The following HOXC4 variants were observed in gnomAD, a reference collection of about 807,000 sequenced individuals.
HOXC4 encodes homeobox C4, also known as homeobox protein Hox-C4.
A neutral mutation model predicts 25.5 loss-of-function variants in HOXC4; 15 were observed. That is an observed-to-expected ratio of 0.59 (90% CI 0.39 to 0.91). HOXC4 has a LOEUF of 0.91. Ranked by LOEUF, HOXC4 falls within the 40% of genes least tolerant of loss-of-function variation. The pLI, the probability that HOXC4 is intolerant of heterozygous loss-of-function variation, is 0.00. For synonymous variants in HOXC4, 165 were observed against 148.0 expected (o/e 1.11, Z -0.83); for missense variants, 342 against 352.4 (o/e 0.97, Z 0.24).
upstream of HOXC4, among the ~76,000 whole-genome samples, chr12:54,050,263 C>T (rs1937814342): frequency 1.3e-5 from 2 of 152,052 alleles, no homozygotes; most frequent in African/African-American, 4.8e-5. Flanking sequence ...TTTTCTTCAG[C>T]GATGTCAGAA....
Position 54,034,816 on chromosome 12 carries a change from C to T in HOXC4, c.-124+17402C>T, listed in dbSNP as rs545600395. 3,199 of 330,244 alleles carry T rather than the reference C, an allele frequency of 9.7e-3. 14 individuals are homozygous for T. Among genetic ancestry groups the T allele is most frequent in the Non-Finnish European group, 0.013 (2,299 of 172,948 alleles). The allele number at this position is 330,244 out of a possible 1,614,324, so 20.5% of individuals were successfully genotyped here. On this transcript the variant is annotated intron_variant, in intron 1 of 3. Transcript: ENST00000303406. ...CGAACCTTGGCCTGGGCCGTATCTC[C>T]GGCTCCCAGCCTCAGCGCGGCCCTC...
At chr12:54,033,294 C>G (rs1445045051) in intron 1 of HOXC4, 7 of 1,614,078 alleles carry the variant, frequency 4.3e-6, no homozygotes, top group Admixed American at 1.7e-5. Flanking sequence ...TTCCAACTCT[C>G]TCCACGGGGT....
intron 1 of HOXC4, among the ~76,000 whole-genome samples, chr12:54,022,912 G>T (rs1299746507): frequency 6.6e-6 from 1 of 152,224 alleles, no homozygotes; most frequent in Non-Finnish European, 1.5e-5. Context: ...CTTTGACCCA[G>T]TGCAGAGCAG....
rs1264369954 is a variant in HOXC4 at position 54,054,162 on chromosome 12, C to T, written c.240C>T (p.Gly80=). 1 of 1,613,886 alleles carries T rather than the reference C, an allele frequency of 6.2e-7. No individual in the cohort carries two copies. The highest frequency in any genetic ancestry group is 1.1e-5 in the South Asian group (1 of 91,070). Residue 80 remains glycine, a synonymous_variant, in exon 1 of 2, where the codon GGC becomes GGT. Coordinates refer to ENST00000430889, the MANE Select transcript of HOXC4 (RefSeq NM_153633.3). ...TSLQGPGNSR[G]HGPAQAGHHH... is the part of the protein sequence containing the mutation. ...TCCAGGGGCCCGGCAATTCGCGAGG[C>T]CACGGGCCGGCCCAGGCGGGCCACC...
At chr12:54,054,593 C>T (rs1398487825) in intron 1 of HOXC4, among the ~76,000 whole-genome samples, 4 of 152,124 alleles carry the variant, frequency 2.6e-5, no homozygotes, top group Non-Finnish European at 4.4e-5. Context: ...GTGCTACGAT[C>T]TGTTATGTAT....
intron 1 of HOXC4, among the ~76,000 whole-genome samples, chr12:54,035,788 G>A (rs1410075498): frequency 6.6e-6 from 1 of 152,140 alleles, no homozygotes; most frequent in Non-Finnish European, 1.5e-5. Flanking sequence ...GACATAGAGG[G>A]AGGGCTGAGC....
intron 1 of HOXC4, chr12:54,028,426 T>C (rs1940827224): frequency 1.5e-6 from 2 of 1,357,714 alleles, no homozygotes; most frequent in Non-Finnish European, 2.0e-6. Flanking sequence ...CTGTCCTGGA[T>C]TGGAGCCGTC....
intron 1 of HOXC4, among the ~76,000 whole-genome samples, chr12:54,036,832 G>A (rs1198734705): frequency 6.6e-6 from 1 of 152,196 alleles, no homozygotes; most frequent in Non-Finnish European, 1.5e-5. Context: ...AGAGGCTGTG[G>A]CACCCGCACC....
chr12:54,052,456 C>T (rs1304593905), upstream of HOXC4, among the ~76,000 whole-genome samples: 1 of 152,062 alleles, frequency 6.6e-6, no homozygotes, highest in Admixed American at 6.6e-5. Context: ...TTATCAAGTA[C>T]AACAAGGGGA....
At chr12:54,019,375 G>A (rs1433393604) in intron 1 of HOXC4, among the ~76,000 whole-genome samples, 1 of 152,224 alleles carries the variant, frequency 6.6e-6, no homozygotes, top group Non-Finnish European at 1.5e-5. Context: ...CCAGCCTGCG[G>A]CAGGCCGGAA....
chr12:54,054,308 C>T lies in HOXC4; in HGVS notation c.386C>T (p.Ala129Val), dbSNP rs780323507. The T allele has an allele frequency of 6.3e-5, 101 of 1,605,834 alleles. No homozygotes were observed. The highest frequency in any genetic ancestry group is 8.0e-5 in the Non-Finnish European group (94 of 1,176,442). The change falls in exon 1 of 2, where the codon GCC becomes GTC. Residue 129 changes from alanine to valine, a missense_variant. Coordinates refer to ENST00000430889, the MANE Select transcript of HOXC4 (RefSeq NM_153633.3). ...QPAPDHPSSAASKQPIVYPWM... is the reference protein window; with the variant it reads ...QPAPDHPSSAVSKQPIVYPWM... ...GCCCCCGACCATCCCTCCAGCGCCGCCAGCAAGCAACCCATAGTCTACCCA... is the reference window on the plus strand; with the variant it reads ...GCCCCCGACCATCCCTCCAGCGCCGTCAGCAAGCAACCCATAGTCTACCCA...
chr12:54,055,037 G>C lies in HOXC4; in HGVS notation c.627G>C (p.Met209Ile). The change falls in exon 2 of 2, where the codon ATG becomes ATC. Residue 209 changes from methionine to isoleucine, a missense_variant. Transcript: ENST00000430889. ...QIKIWFQNRRMKWKKDHRLPN... is the reference protein window; with the variant it reads ...QIKIWFQNRRIKWKKDHRLPN... Reference sequence around the variant, plus strand: ...AAATCTGGTTCCAAAACCGTCGCATGAAATGGAAGAAGGACCACCGACTCC... The same window carrying C: ...AAATCTGGTTCCAAAACCGTCGCATCAAATGGAAGAAGGACCACCGACTCC... 1 of 1,613,710 alleles carries C rather than the reference G, an allele frequency of 6.2e-7. No individual in the cohort carries two copies. The highest frequency in any genetic ancestry group is 8.5e-7 in the Non-Finnish European group (1 of 1,179,922).
At chr12:54,046,224 T>C (rs982066817) in intron 1 of HOXC4, among the ~76,000 whole-genome samples, 1 of 152,336 alleles carries the variant, frequency 6.6e-6, no homozygotes, top group South Asian at 2.1e-4. Context: ...CCCGCTCTTA[T>C]CGGCTGGGAT....
At chr12:54,048,961 A>T (rs934593755), upstream of HOXC4, among the ~76,000 whole-genome samples, 1 of 152,226 alleles carries the variant, frequency 6.6e-6, no homozygotes, top group Non-Finnish European at 1.5e-5. Context: ...GCATCCACAC[A>T]TCAGAATTTT....
At chr12:54,033,982 T>A in intron 1 of HOXC4, 1 of 554,766 alleles carries the variant, frequency 1.8e-6, no homozygotes, top group Non-Finnish European at 3.5e-6. Context: ...TCCCCGGTGC[T>A]CGGATCTCGA....
intron 1 of HOXC4, chr12:54,033,972 TC>T: frequency 2.5e-6 from 1 of 403,314 alleles, no homozygotes; most frequent in Admixed American, 3.0e-5. Context: ...GGGAGGGGGG[TC>T]CCCGGTGCTC....
At chr12:54,020,777 G>T (rs1300492215) in intron 1 of HOXC4, 2 of 152,160 alleles carry the variant, frequency 1.3e-5, no homozygotes, top group African/African-American at 4.8e-5. Flanking sequence ...CACTGGAATC[G>T]GAGTATGCGG....
upstream of HOXC4, among the ~76,000 whole-genome samples, chr12:54,049,544 C>CTTTTT (rs11418872): frequency 1.5e-3 from 216 of 146,948 alleles, 1 homozygote; most frequent in African/African-American, 5.2e-3. Flanking sequence ...TCCATGATTG[C>CTTTTT]TTTTTTTTTT....
chr12:54,054,385 C>A, intron 1 of HOXC4, 24 bp downstream of exon 1: 2 of 1,383,792 alleles, frequency 1.4e-6, no homozygotes, highest in Non-Finnish European at 9.7e-7. Flanking sequence ...CTTTTTGCTC[C>A]CCCCCTCCCT....
Sources: allele counts gnomAD v4.1 joint callset (sites outside exome capture counted in the v4.1 genomes callset), GRCh38; gene constraint gnomAD v4.1.1; transcripts MANE v1.5; gene names NCBI Gene and HGNC (gene_info 2026-07-23, HGNC 2026-07-21).